The following NKAIN3 variants were observed in gnomAD, a reference collection of about 807,000 sequenced individuals.
NKAIN3 encodes sodium/potassium transporting ATPase interacting 3.
NKAIN3 carries 25 observed loss-of-function variants against 30.2 expected under a neutral mutation model. That is an observed-to-expected ratio of 0.83 (90% CI 0.60 to 1.16). The LOEUF (loss-of-function observed/expected upper bound fraction) is 1.16. Among genes scored for constraint, NKAIN3 ranks in the 50% most tolerant of loss-of-function variants. The pLI is 0.00. For missense variants in NKAIN3, 225 were observed against 254.1 expected (o/e 0.89, Z 0.78); for synonymous variants, 91 against 89.6 (o/e 1.02, Z -0.09).
At chr8:62,768,080 C>T (rs1161080328) in intron 4 of NKAIN3, among the ~76,000 whole-genome samples, 2 of 152,094 alleles carry the variant, frequency 1.3e-5, no homozygotes. Context: ...GCAGCCTCTG[C>T]TTGAAAATGC....
chr8:62,692,848 G>C (rs561523917), intron 3 of NKAIN3, among the ~76,000 whole-genome samples: 1 of 152,134 alleles, frequency 6.6e-6, no homozygotes, highest in Non-Finnish European at 1.5e-5. Context: ...AGCCCTCCCA[G>C]ATTCTGGAGA....
At chr8:62,952,043 T>C (rs1823296678) in intron 5 of NKAIN3, among the ~76,000 whole-genome samples, 1 of 151,902 alleles carries the variant, frequency 6.6e-6, no homozygotes, top group South Asian at 2.1e-4. Flanking sequence ...CAAATAATCT[T>C]CCCAACTTGG....
chr8:62,340,959 C>T (rs898497218), intron 1 of NKAIN3, among the ~76,000 whole-genome samples: 4 of 151,974 alleles, frequency 2.6e-5, no homozygotes, highest in Non-Finnish European at 4.4e-5. Flanking sequence ...AAAACAACAC[C>T]GATTAATAGT....
At chr8:62,354,560 C>T (rs1207826255) in intron 1 of NKAIN3, among the ~76,000 whole-genome samples, 2 of 152,154 alleles carry the variant, frequency 1.3e-5, no homozygotes, top group East Asian at 3.9e-4. Context: ...TCTCCTGCCT[C>T]AGCCTCCTGA....
At chr8:62,458,429 A>G (rs1033250035) in intron 1 of NKAIN3, among the ~76,000 whole-genome samples, 9 of 152,226 alleles carry the variant, frequency 5.9e-5, no homozygotes, top group African/African-American at 1.7e-4. Context: ...CTGCAGAGTA[A>G]TGTGTGTTTG....
chr8:62,918,836 T>C (rs190333746), intron 5 of NKAIN3, among the ~76,000 whole-genome samples: 298 of 152,270 alleles, frequency 2.0e-3, no homozygotes, highest in Non-Finnish European at 3.2e-3. Context: ...TTTTACCTAT[T>C]ACCAATTTTA....
intron 1 of NKAIN3, among the ~76,000 whole-genome samples, chr8:62,365,031 T>G (rs1463935112): frequency 6.6e-6 from 1 of 152,144 alleles, no homozygotes; most frequent in Non-Finnish European, 1.5e-5. Context: ...GCAACTGATT[T>G]GTAATTTTCT....
intron 5 of NKAIN3, among the ~76,000 whole-genome samples, chr8:62,951,972 T>A (rs1011568699): frequency 2.0e-5 from 3 of 151,668 alleles, no homozygotes; most frequent in Non-Finnish European, 2.9e-5. Context: ...GCTAATTTTT[T>A]AATTTTTAAT....
chr8:62,333,489 C>G (rs1260664397), intron 1 of NKAIN3, among the ~76,000 whole-genome samples: 1 of 151,994 alleles, frequency 6.6e-6, no homozygotes, highest in Non-Finnish European at 1.5e-5. Flanking sequence ...GGTTTAATGT[C>G]AATTAAGAAA....
intron 1 of NKAIN3, among the ~76,000 whole-genome samples, chr8:62,302,295 A>G (rs1019391185): frequency 6.6e-6 from 1 of 152,034 alleles, no homozygotes; most frequent in African/African-American, 2.4e-5. Flanking sequence ...TGAAGAAAAG[A>G]CATTCTTTCT....
chr8:62,676,329 G>A (rs1397338501), intron 3 of NKAIN3, among the ~76,000 whole-genome samples: 2 of 152,220 alleles, frequency 1.3e-5, no homozygotes, highest in Non-Finnish European at 2.9e-5. Flanking sequence ...AGCACTTTGG[G>A]AGGCCGAGGC....
chr8:62,778,270 T>A (rs781602641), intron 4 of NKAIN3, among the ~76,000 whole-genome samples: 2 of 152,148 alleles, frequency 1.3e-5, no homozygotes, highest in Non-Finnish European at 2.9e-5. Context: ...CAGCCAGGTT[T>A]ATGTCCTTCC....
At chr8:62,783,605 CT>C (rs386412917) in intron 4 of NKAIN3, among the ~76,000 whole-genome samples, 21,163 of 121,094 alleles carry the variant, frequency 0.17, 1,580 homozygotes, top group East Asian at 0.26. Context: ...GCAGAATACA[CT>C]TTTTTTTTTT....
At chr8:62,354,375 C>T (rs561418929) in intron 1 of NKAIN3, among the ~76,000 whole-genome samples, 7 of 152,302 alleles carry the variant, frequency 4.6e-5, no homozygotes, top group Admixed American at 3.9e-4. Flanking sequence ...GTTAGCTTGT[C>T]ACGGTTTCAT....
At chr8:62,316,730 A>G (rs1024934409) in intron 1 of NKAIN3, among the ~76,000 whole-genome samples, 11 of 152,238 alleles carry the variant, frequency 7.2e-5, no homozygotes, top group Admixed American at 2.0e-4. Context: ...ATAGTGCCAC[A>G]ATAAACATAT....
At chr8:62,789,476 A>C (rs772280568) in intron 4 of NKAIN3, among the ~76,000 whole-genome samples, 12 of 152,060 alleles carry the variant, frequency 7.9e-5, no homozygotes, top group Admixed American at 2.6e-4. Flanking sequence ...ACGTCATCTG[A>C]AAACAGGGAC....
At chr8:62,596,545 A>G (rs543321082) in intron 3 of NKAIN3, among the ~76,000 whole-genome samples, 4 of 152,106 alleles carry the variant, frequency 2.6e-5, no homozygotes, top group Non-Finnish European at 5.9e-5. Flanking sequence ...ATGGAGGACG[A>G]TGTAAGCATA....
intron 1 of NKAIN3, among the ~76,000 whole-genome samples, chr8:62,296,061 T>A (rs1342019458): frequency 6.6e-6 from 1 of 152,222 alleles, no homozygotes; most frequent in Non-Finnish European, 1.5e-5. Flanking sequence ...TGGCTTTGAC[T>A]ACAGCAAATG....
chr8:62,439,414 T>C (rs1805261362), intron 1 of NKAIN3, among the ~76,000 whole-genome samples: 1 of 152,158 alleles, frequency 6.6e-6, no homozygotes, highest in Admixed American at 6.6e-5. Context: ...TGCTTTTCTG[T>C]CTTAAAAAGA....
Sources: gnomAD v4.1 joint callset for allele counts (sites outside exome capture counted in the v4.1 genomes callset) on GRCh38, gnomAD v4.1.1 for gene constraint, MANE v1.5 for transcripts, NCBI Gene and HGNC (gene_info 2026-07-23, HGNC 2026-07-21) for gene names.